ARFGEF1: variants seen among roughly 807,000 people sequenced by gnomAD.
ARFGEF1 encodes the protein brefeldin A-inhibited guanine nucleotide-exchange protein 1.
In ARFGEF1, 42 loss-of-function variants were observed where a neutral mutation model predicts 231.0. The ratio of observed to expected loss-of-function variants is 0.18; its 90% CI spans 0.14 to 0.24. The LOEUF is 0.24. Ranked by LOEUF, ARFGEF1 falls within the 10% of genes least tolerant of loss-of-function variation. The pLI is 1.00. For synonymous variants in ARFGEF1, 710 were observed against 732.3 expected, an observed-to-expected ratio of 0.97 and a Z score of 0.49; for missense variants, 1,345 against 2,192.0, an observed-to-expected ratio of 0.61 and a Z score of 7.72.
intron 1 of ARFGEF1, among the ~76,000 whole-genome samples, chr8:67,337,738 T>C (rs748112785): frequency 5.3e-5 from 8 of 152,228 alleles, no homozygotes; most frequent in Non-Finnish European, 1.0e-4. Context: ...GATAGGACTT[T>C]CCTGACAACT....
At chr8:67,236,058 G>A (rs1473322135) in intron 22 of ARFGEF1, among the ~76,000 whole-genome samples, 3 of 151,640 alleles carry the variant, frequency 2.0e-5, no homozygotes, top group African/African-American at 4.8e-5. Flanking sequence ...ACTTTGGGAC[G>A]CCAAGGCGGG....
At chr8:67,269,512 C>T (rs1055131540) in intron 10 of ARFGEF1, among the ~76,000 whole-genome samples, 13 of 151,716 alleles carry the variant, frequency 8.6e-5, no homozygotes, top group South Asian at 2.1e-4. Flanking sequence ...CCACCACACC[C>T]GGCTAATTTT....
chr8:67,272,673 T>C (rs1805145745), intron 9 of ARFGEF1, among the ~76,000 whole-genome samples: 1 of 152,200 alleles, frequency 6.6e-6, no homozygotes, highest in African/African-American at 2.4e-5. Context: ...TTTCTGGTTA[T>C]GCTACTCAAA....
Position 67,190,697 on chromosome 8 carries a change from C to T in ARFGEF1, c.560+9699G>A, listed in dbSNP as rs200930857. The T allele has an allele frequency of 2.4e-5, 39 of 1,613,990 alleles. No homozygotes were observed. The highest frequency in any genetic ancestry group is 6.7e-5 in the Admixed American group (4 of 59,998). ...TGCCATTGAAGATGACGTCCTCCCT[C>T]CACCATCACAGTTGCCCTCTGCACG... On this transcript the variant is annotated intron_variant, in intron 5 of 5. Transcript: ENST00000518789.
chr8:67,334,260 T>C (rs527687304), intron 1 of ARFGEF1, among the ~76,000 whole-genome samples: 1 of 149,054 alleles, frequency 6.7e-6, no homozygotes. Context: ...TATTTCATTA[T>C]GTATATGCAA....
At chr8:67,180,017 A>T in intron 5 of ARFGEF1, 1 of 646,756 alleles carries the variant, frequency 1.5e-6, no homozygotes, top group Non-Finnish European at 2.6e-6. Flanking sequence ...TTGTTGTACA[A>T]GGTAGTAAAA....
Position 67,277,404 on chromosome 8 carries a change from T to C in ARFGEF1, c.1081A>G (p.Ile361Val). 2 of 1,613,854 alleles carry C rather than the reference T, an allele frequency of 1.2e-6. No individual in the cohort carries two copies. Among genetic ancestry groups the C allele is most frequent in the Non-Finnish European group, 1.7e-6 (2 of 1,179,830 alleles). Residue 361 changes from isoleucine to valine, a missense_variant, in exon 8 of 39, where the codon ATA becomes GTA. By Grantham distance (29) the Ile-to-Val change is conservative. Coordinates refer to ENST00000262215, the MANE Select transcript of ARFGEF1 (RefSeq NM_006421.5). ...TTTTCACTGTCACTACCATCCTCTATAGTTCCAATGTTGCCATCTGCACTT... is the reference window on the plus strand; with the variant it reads ...TTTTCACTGTCACTACCATCCTCTACAGTTCCAATGTTGCCATCTGCACTT... ...NASADGNIGT[I>V]EDGSDSENIQ... is the part of the protein sequence containing the mutation.
intron 5 of ARFGEF1, among the ~76,000 whole-genome samples, chr8:67,192,066 G>GTTTTTTTTTTTTTTTTTTTTTTTT (rs34907123): frequency 7.7e-6 from 1 of 129,858 alleles, no homozygotes. Context: ...TTGCTGATTT[G>GTTTTTTTTTTTTTTTTTTTTTTTT]TTTTTTTTTT....
At chr8:67,316,607 G>A (rs1331195918) in intron 1 of ARFGEF1, among the ~76,000 whole-genome samples, 1 of 152,020 alleles carries the variant, frequency 6.6e-6, no homozygotes, top group Non-Finnish European at 1.5e-5. Flanking sequence ...ACACAGGTAT[G>A]TGCCACCATA....
At chr8:67,277,550 G>A (rs1805363762) in intron 7 of ARFGEF1, 93 bp from the exon 8 acceptor site, 3 of 1,193,018 alleles carry the variant, frequency 2.5e-6, no homozygotes, top group Middle Eastern at 2.4e-4. Flanking sequence ...AACAGTGGCA[G>A]GAAAGCAATG....
chr8:67,233,722 C>A (rs752825874), intron 22 of ARFGEF1, among the ~76,000 whole-genome samples: 1 of 151,694 alleles, frequency 6.6e-6, no homozygotes, highest in Non-Finnish European at 1.5e-5. Context: ...TTTCCTAAAT[C>A]GTCTCCTTCA....
intron 10 of ARFGEF1, among the ~76,000 whole-genome samples, chr8:67,268,186 C>T (rs767448872): frequency 6.6e-6 from 1 of 152,164 alleles, no homozygotes; most frequent in Non-Finnish European, 1.5e-5. Flanking sequence ...ATAGTATCTC[C>T]CCCTAACTGG....
chr8:67,273,531 A>AT (rs1244494695), intron 9 of ARFGEF1, among the ~76,000 whole-genome samples: 1 of 150,670 alleles, frequency 6.6e-6, no homozygotes, highest in Non-Finnish European at 1.5e-5. Flanking sequence ...TTTTATGGTT[A>AT]TAAGTGTCAA....
chr8:67,322,773 A>G (rs1807656372), intron 1 of ARFGEF1, among the ~76,000 whole-genome samples: 1 of 152,152 alleles, frequency 6.6e-6, no homozygotes, highest in Non-Finnish European at 1.5e-5. Flanking sequence ...AGATAATTAC[A>G]CTTCTCTATT....
downstream of ARFGEF1, chr8:67,197,627 A>G: frequency 1.0e-6 from 1 of 985,790 alleles, no homozygotes; most frequent in Non-Finnish European, 1.2e-6. Context: ...ATAGACCAGA[A>G]TCAATGAAAC....
chr8:67,228,276 A>T lies in ARFGEF1; in HGVS notation c.3381-12T>A. On this transcript the variant is annotated splice_polypyrimidine_tract_variant and intron_variant, in intron 23 of 38. Coordinates refer to ENST00000262215, the MANE Select transcript of ARFGEF1 (RefSeq NM_006421.5). ...ATCCTGTGAATATTCTAGGGAAAAT[A>T]AAACACAATTTAAAAAATTTATAAG... 1 of 1,603,932 alleles carries T rather than the reference A, an allele frequency of 6.2e-7. No homozygotes were observed. Among genetic ancestry groups the T allele is most frequent in the South Asian group, 1.1e-5 (1 of 89,786 alleles).
chr8:67,225,611 T>C (rs374088028), intron 28 of ARFGEF1, among the ~76,000 whole-genome samples: 6 of 152,160 alleles, frequency 3.9e-5, no homozygotes, highest in African/African-American at 9.6e-5. Flanking sequence ...AGCTTCAGTA[T>C]TACACAGCAC....
At chr8:67,296,807 C>T (rs187508347) in intron 4 of ARFGEF1, among the ~76,000 whole-genome samples, 197 bp from the exon 5 acceptor site, 8 of 152,094 alleles carry the variant, frequency 5.3e-5, no homozygotes, top group Non-Finnish European at 8.8e-5. Context: ...AGCACCACCA[C>T]ACCCGGCTAA....
Position 67,324,248 on chromosome 8 carries a change from C to T in ARFGEF1, c.124+18916G>A, listed in dbSNP as rs149232964. ...GGCAGAGTTTGCAGTGAGGCGGGAT[C>T]GCGCCACTGCACTCTAGCTTGGCAA... On this transcript the variant is annotated intron_variant, in intron 1 of 38. Transcript: ENST00000262215. 7.0e-3 allele frequency among the ~76,000 whole-genome samples: 1,063 copies of T among 152,250 alleles called. 10 individuals carry two copies. Among genetic ancestry groups the T allele is most frequent in the South Asian group, 0.012 (58 of 4,826 alleles).
Sources: gnomAD v4.1 joint callset for allele counts (sites outside exome capture counted in the v4.1 genomes callset) on GRCh38, gnomAD v4.1.1 for gene constraint, MANE v1.5 for transcripts, NCBI Gene and HGNC (gene_info 2026-07-23, HGNC 2026-07-21) for gene names.